The following RASSF6 variants were observed in gnomAD, a reference collection of about 807,000 sequenced individuals.
RASSF6 encodes Ras association domain family member 6, also known as ras association domain-containing protein 6.
RASSF6 carries 52 observed loss-of-function variants against 44.0 expected under a neutral mutation model. The observed-to-expected ratio is 1.18, with a 90% confidence interval of 0.95 to 1.49. The LOEUF (loss-of-function observed/expected upper bound fraction) is 1.49, where lower values mean the gene tolerates loss of function less well. RASSF6 is among the 40% of genes most tolerant of loss of function. The pLI, the probability that RASSF6 is intolerant of heterozygous loss-of-function variation, is 0.00. For missense variants in RASSF6, 464 were observed against 393.3 expected (o/e 1.18, Z -1.52); for synonymous variants, 162 against 124.6 (o/e 1.30, Z -2.00).
chr4:73,578,814 A>C (rs565012753), intron 8 of RASSF6, among the ~76,000 whole-genome samples: 1 of 151,886 alleles, frequency 6.6e-6, no homozygotes, highest in South Asian at 2.1e-4. Context: ...GTTTCACCAT[A>C]GTGGTCAGGC....
intron 8 of RASSF6, among the ~76,000 whole-genome samples, chr4:73,579,961 T>A (rs1031377346): frequency 6.6e-6 from 1 of 151,648 alleles, no homozygotes; most frequent in Non-Finnish European, 1.5e-5. Context: ...CATGCTGGTG[T>A]GCTGCACCCA....
intron 4 of RASSF6, 67 bp from the exon 5 acceptor site, chr4:73,588,001 A>T: frequency 9.8e-7 from 1 of 1,023,226 alleles, no homozygotes; most frequent in Non-Finnish European, 1.5e-6. Context: ...TGGTTTCCAG[A>T]TTTACAATAT....
intron 8 of RASSF6, among the ~76,000 whole-genome samples, chr4:73,580,732 C>G (rs1206528497): frequency 5.1e-5 from 7 of 137,436 alleles, no homozygotes; most frequent in South Asian, 2.6e-4. Context: ...TTGTTTTTTT[C>G]TTGTAAATTT....
intron 8 of RASSF6, among the ~76,000 whole-genome samples, chr4:73,581,077 T>C (rs904089959): frequency 4.5e-5 from 6 of 132,660 alleles, no homozygotes; most frequent in Admixed American, 3.0e-4. Context: ...TTATATATGT[T>C]TAGAGATACA....
chr4:73,599,723 T>G (rs1010319672), intron 2 of RASSF6, among the ~76,000 whole-genome samples: 1 of 152,248 alleles, frequency 6.6e-6, no homozygotes, highest in African/African-American at 2.4e-5. Context: ...TGTTGTTTAC[T>G]CTCAACAGCA....
intron 2 of RASSF6, among the ~76,000 whole-genome samples, chr4:73,601,883 C>T (rs1725299074): frequency 6.6e-6 from 1 of 152,200 alleles, no homozygotes; most frequent in Non-Finnish European, 1.5e-5. Context: ...CACCATCCCA[C>T]AGAAGGTCAT....
intron 4 of RASSF6, 86 bp from the exon 5 acceptor site, chr4:73,588,020 T>TA: frequency 1.2e-6 from 1 of 831,814 alleles, no homozygotes; most frequent in Non-Finnish European, 2.0e-6. Context: ...ATTAATATAG[T>TA]AATACTGTGG....
intron 3 of RASSF6, among the ~76,000 whole-genome samples, chr4:73,596,270 G>A (rs763006698): frequency 1.3e-5 from 2 of 152,160 alleles, no homozygotes; most frequent in Non-Finnish European, 2.9e-5. Flanking sequence ...TTCTTAAGCT[G>A]ATAAGCAACT....
chr4:73,584,005 C>T (rs7676870), intron 6 of RASSF6, among the ~76,000 whole-genome samples: 42,399 of 151,924 alleles, frequency 0.28, 6,155 homozygotes, highest in Admixed American at 0.41. Flanking sequence ...CCTTCTTCAA[C>T]ACAAATTACC....
intron 2 of RASSF6, among the ~76,000 whole-genome samples, chr4:73,602,573 A>T (rs1429959438): frequency 2.8e-5 from 2 of 71,520 alleles, no homozygotes; most frequent in African/African-American, 1.1e-4. Context: ...ATTTTAACAG[A>T]TTTTTTTAGG....
At chr4:73,602,611 A>T (rs968407561) in intron 2 of RASSF6, among the ~76,000 whole-genome samples, 2 of 152,070 alleles carry the variant, frequency 1.3e-5, no homozygotes, top group African/African-American at 4.8e-5. Flanking sequence ...GGACCCCCTC[A>T]AAAAGAATTT....
At chr4:73,597,274 A>G (rs1232018749) in intron 3 of RASSF6, among the ~76,000 whole-genome samples, 1 of 152,212 alleles carries the variant, frequency 6.6e-6, no homozygotes, top group Non-Finnish European at 1.5e-5. Flanking sequence ...ACAAATTTAC[A>G]AGGGAAAAAA....
intron 2 of RASSF6, among the ~76,000 whole-genome samples, chr4:73,602,205 G>A (rs1418297018): frequency 3.3e-5 from 5 of 152,178 alleles, no homozygotes; most frequent in African/African-American, 1.2e-4. Context: ...AATTCACTTC[G>A]CAGGCAATGG....
intron 7 of RASSF6, 149 bp from the exon 8 acceptor site, chr4:73,582,017 T>C: frequency 1.4e-6 from 1 of 693,496 alleles, no homozygotes; most frequent in Non-Finnish European, 2.4e-6. Context: ...AATTATATAA[T>C]TTTTCAAGGG....
chr4:73,581,797 G>A lies in RASSF6; in HGVS notation c.721+20C>T. The stretch of plus-strand genomic sequence containing the variant: ...GTAGCACTCTAGAGTCAGGTAAAAA[G>A]TGTGATCAAGCTTTCTTACCTCCTG... On this transcript the variant is annotated intron_variant, in intron 8 of 10. Coordinates refer to ENST00000307439, the MANE Select transcript of RASSF6 (RefSeq NM_177532.5). 6.4e-7 allele frequency: 1 copy of A among 1,570,076 alleles called. No homozygotes were observed. The highest frequency in any genetic ancestry group is 8.8e-7 in the Non-Finnish European group (1 of 1,140,444).
At chr4:73,588,575 TTTTA>T (rs1281327945) in intron 4 of RASSF6, among the ~76,000 whole-genome samples, 1 of 152,086 alleles carries the variant, frequency 6.6e-6, no homozygotes, top group Non-Finnish European at 1.5e-5. Flanking sequence ...CTCAATTTTA[TTTTA>T]TTTATCTGGT....
intron 4 of RASSF6, among the ~76,000 whole-genome samples, chr4:73,593,140 C>G (rs957150133): frequency 5.3e-5 from 8 of 151,860 alleles, no homozygotes; most frequent in Admixed American, 3.3e-4. Context: ...CTCAGCCTCC[C>G]GAGTAGCTGG....
chr4:73,601,191 C>A (rs1446836665), intron 2 of RASSF6, among the ~76,000 whole-genome samples: 1 of 152,210 alleles, frequency 6.6e-6, no homozygotes, highest in African/African-American at 2.4e-5. Flanking sequence ...TAGAGCCTGA[C>A]TAAATCCTCA....
At chr4:73,600,966 G>T (rs1466583308) in intron 2 of RASSF6, among the ~76,000 whole-genome samples, 3 of 152,152 alleles carry the variant, frequency 2.0e-5, no homozygotes, top group Non-Finnish European at 2.9e-5. Context: ...TCACCATAAA[G>T]AAATTTTACT....
Sources: gnomAD v4.1 joint callset for allele counts (sites outside exome capture counted in the v4.1 genomes callset) on GRCh38, gnomAD v4.1.1 for gene constraint, MANE v1.5 for transcripts, NCBI Gene and HGNC (gene_info 2026-07-23, HGNC 2026-07-21) for gene names.